The following ZNF385C variants were observed in gnomAD, a reference collection of about 807,000 sequenced individuals.
The protein encoded by ZNF385C is zinc finger protein 385C, also known as CTD-2132N18.2.
ZNF385C carries 28 observed loss-of-function variants against 35.4 expected under a neutral mutation model. The observed-to-expected ratio is 0.79, with a 90% CI of 0.59 to 1.08. The LOEUF (loss-of-function observed/expected upper bound fraction) is 1.08, where lower values mean the gene tolerates loss of function less well. Among genes scored for constraint, ZNF385C ranks in the 50% least tolerant of loss-of-function variants. The probability of loss-of-function intolerance (pLI) is 0.00; values close to 1 mark genes in which losing one functional copy is unlikely to be tolerated. For synonymous variants in ZNF385C, 248 were observed against 248.2 expected, an observed-to-expected ratio of 1.00 and a Z score of 0.01; for missense variants, 605 against 595.6, an observed-to-expected ratio of 1.02 and a Z score of -0.16.
chr17:42,080,924 T>C (rs2053741347), intron 1 of ZNF385C, among the ~76,000 whole-genome samples: 2 of 152,142 alleles, frequency 1.3e-5, no homozygotes, highest in South Asian at 4.1e-4. Context: ...TTGGGCAAAG[T>C]CCTTACCTCT....
intron 1 of ZNF385C, among the ~76,000 whole-genome samples, chr17:42,090,471 G>A (rs1222053048): frequency 6.6e-6 from 1 of 151,230 alleles, no homozygotes; most frequent in Non-Finnish European, 1.5e-5. Flanking sequence ...TTTAATTAGT[G>A]ATGGGTTTTC....
intron 8 of ZNF385C, 59 bp from the exon 9 acceptor site, chr17:42,027,192 C>G: frequency 6.7e-7 from 1 of 1,495,928 alleles, no homozygotes; most frequent in South Asian, 1.1e-5. Context: ...CACCCCCTCC[C>G]TGGGGCCCAT....
intron 2 of ZNF385C, among the ~76,000 whole-genome samples, chr17:42,046,219 T>C (rs781809528): frequency 6.6e-6 from 1 of 152,076 alleles, no homozygotes; most frequent in Admixed American, 6.6e-5. Context: ...GCCAAGACCA[T>C]GTTTGTTCAT....
chr17:42,042,358 C>T (rs1216797255), intron 2 of ZNF385C, among the ~76,000 whole-genome samples: 1 of 152,122 alleles, frequency 6.6e-6, no homozygotes, highest in African/African-American at 2.4e-5. Flanking sequence ...CCCGTCTCTA[C>T]TAAAAATACA....
intron 4 of ZNF385C, 35 bp from the exon 5 acceptor site, chr17:42,031,819 G>T (rs1555655034): frequency 6.5e-7 from 1 of 1,545,588 alleles, no homozygotes; most frequent in African/African-American, 1.4e-5. Flanking sequence ...ACCATTCACT[G>T]GCTGAGTCCA....
intron 2 of ZNF385C, among the ~76,000 whole-genome samples, chr17:42,054,114 C>A (rs1466373513): frequency 6.6e-6 from 1 of 152,186 alleles, no homozygotes; most frequent in Non-Finnish European, 1.5e-5. Context: ...AGTGTGGGGG[C>A]AAATGTGCAG....
chr17:42,045,133 G>A (rs2053127413), intron 2 of ZNF385C, among the ~76,000 whole-genome samples: 1 of 152,200 alleles, frequency 6.6e-6, no homozygotes. Context: ...TAGCCACGAT[G>A]GTCTCGATCT....
chr17:42,068,016 G>A (rs868987584), intron 1 of ZNF385C, among the ~76,000 whole-genome samples: 2 of 152,138 alleles, frequency 1.3e-5, no homozygotes, highest in Non-Finnish European at 2.9e-5. Context: ...TCACGGGGCC[G>A]CCTGGATTCT....
intron 2 of ZNF385C, among the ~76,000 whole-genome samples, chr17:42,054,347 C>T (rs1188205072): frequency 6.6e-6 from 1 of 152,184 alleles, no homozygotes; most frequent in African/African-American, 2.4e-5. Flanking sequence ...GTTTTCCTGC[C>T]CAGCCTCACT....
At chr17:42,081,490 C>A (rs1872352540) in intron 1 of ZNF385C, among the ~76,000 whole-genome samples, 1 of 152,132 alleles carries the variant, frequency 6.6e-6, no homozygotes, top group South Asian at 2.1e-4. Flanking sequence ...GGGTTCAAGT[C>A]ATTCTCCTGC....
At chr17:42,040,302 G>T in intron 2 of ZNF385C, 1 of 1,231,704 alleles carries the variant, frequency 8.1e-7, no homozygotes, top group Non-Finnish European at 1.0e-6. Context: ...CGGAGTAACC[G>T]AGCAGCTCCA....
rs1419057762 is a variant in ZNF385C, at chr17:42,050,541, GT to G, written c.250+12265del. 1.3e-5 allele frequency: 2 copies of G among 151,854 alleles called. No individual in the cohort carries two copies. The highest frequency in any genetic ancestry group is 4.8e-5 in the African/African-American group (2 of 41,318). 9.4% of individuals were successfully genotyped at this position (151,854 alleles called of 1,614,324 possible). A position where few individuals can be genotyped will look rare whatever the true frequency, so the allele number is the denominator to read the frequency against. ...CAGCCCGGCCTGGCGCCCCCGCCCC[GT>G]CCGCTCGCACTCACGGAGACACAGG... On this transcript the variant is annotated intron_variant, in intron 2 of 8. Coordinates refer to ENST00000692273, the MANE Select transcript of ZNF385C (RefSeq NM_001392013.1). This position sits in a 1 kb window ranked among gnomAD's most constrained non-coding sequence, Gnocchi z 5.6.
intron 1 of ZNF385C, among the ~76,000 whole-genome samples, chr17:42,096,547 G>T (rs2053919715): frequency 6.6e-6 from 1 of 152,190 alleles, no homozygotes; most frequent in African/African-American, 2.4e-5. Flanking sequence ...TCAGGCCAGG[G>T]CCTGAAGCTG....
chr17:42,045,020 C>A lies in ZNF385C; in HGVS notation c.251-7135G>T, dbSNP rs1226362109. ...GCAAGCTCTGCCTCCCGGGTTCACA[C>A]CATTCTCCTGCCTCAGCCTCCCAAG... is the stretch of plus-strand genomic sequence containing the variant. On this transcript the variant is annotated intron_variant, in intron 2 of 8. Transcript: ENST00000692273. 5.3e-5 allele frequency among the ~76,000 whole-genome samples: 8 copies of A among 151,892 alleles called. No homozygotes were observed. In the East Asian group the frequency reaches 1.4e-3, roughly 26 times the overall value.
chr17:42,093,586 T>A (rs559907911), intron 1 of ZNF385C, among the ~76,000 whole-genome samples: 1,852 of 90,246 alleles, frequency 0.021, 31 homozygotes, highest in African/African-American at 0.11. Flanking sequence ...ATTTTATTTA[T>A]TTTTTTTTTT....
chr17:42,027,192 C>T lies in ZNF385C; in HGVS notation c.1276-59G>A, dbSNP rs1415699416. 8 of 1,495,926 alleles carry T rather than the reference C, an allele frequency of 5.3e-6. No homozygotes were observed. The Admixed American group carries it at 1.4e-4, about 26-fold the overall frequency. 92.7% of individuals were successfully genotyped at this position (1,495,926 alleles called of 1,614,324 possible). ...CACCCCAGAAAACCCCACCCCCTCC[C>T]TGGGGCCCATCCTCAAGCTTTTTGC... On this transcript the variant is annotated intron_variant, in intron 8 of 8. Coordinates refer to ENST00000692273, the MANE Select transcript of ZNF385C (RefSeq NM_001392013.1).
intron 2 of ZNF385C, among the ~76,000 whole-genome samples, chr17:42,051,989 GC>G (rs1490167452): frequency 6.6e-6 from 1 of 152,192 alleles, no homozygotes; most frequent in Non-Finnish European, 1.5e-5. Context: ...CCCCACAGCT[GC>G]CCCCGAGTGG....
chr17:42,092,937 G>A (rs2085130683), intron 1 of ZNF385C, among the ~76,000 whole-genome samples: 1 of 152,118 alleles, frequency 6.6e-6, no homozygotes, highest in African/African-American at 2.4e-5. Context: ...GTCCGGGGAA[G>A]GCTGGACAGG....
At chr17:42,033,536 A>C (rs1471512676) in intron 4 of ZNF385C, among the ~76,000 whole-genome samples, 1 of 152,172 alleles carries the variant, frequency 6.6e-6, no homozygotes, top group Non-Finnish European at 1.5e-5. Flanking sequence ...GGATCACTTG[A>C]GCCCAGGAGT....
Sources: gnomAD v4.1 joint callset for allele counts (sites outside exome capture counted in the v4.1 genomes callset) on GRCh38, gnomAD v4.1.1 for gene constraint, Gnocchi (gnomAD v3.1) non-coding constraint, MANE v1.5 for transcripts, NCBI Gene and HGNC (gene_info 2026-07-23, HGNC 2026-07-21) for gene names.